Variants in VSTM4 observed in about 807,000 individuals in gnomAD.
The protein encoded by VSTM4 is V-set and transmembrane domain-containing protein 4.
In VSTM4, 20 loss-of-function variants were observed where a neutral mutation model predicts 36.4. That is an observed-to-expected ratio of 0.55 (90% CI 0.39 to 0.80). The LOEUF is 0.80. VSTM4 is among the 30% of genes least tolerant of loss of function. VSTM4 has a pLI of 0.00. For missense variants in VSTM4, 392 were observed against 404.5 expected, an observed-to-expected ratio of 0.97 and a Z score of 0.26; for synonymous variants, 182 against 173.9, an observed-to-expected ratio of 1.05 and a Z score of -0.37.
At chr10:49,075,249 T>C (rs933542545) in intron 4 of VSTM4, among the ~76,000 whole-genome samples, 23 of 152,332 alleles carry the variant, frequency 1.5e-4, no homozygotes, top group African/African-American at 5.3e-4. Flanking sequence ...TCCCTGATCC[T>C]GTCTAGGGCC....
In VSTM4 at chr10:49,107,687, G is replaced by T. The variant is rs375122788; in HGVS notation, c.364C>A (p.Gln122Lys). The T allele has an allele frequency of 3.1e-6, 5 of 1,614,114 alleles. No homozygotes were observed. The highest frequency in any genetic ancestry group is 4.2e-6 in the Non-Finnish European group (5 of 1,180,050). ...TGGACTCTGCAGACGTAATGCCCTT[G>T]ATCGGAGGGCTGCAGTGTCAAGACG... ...LSVLTLQPSD[Q>K]GHYVCRVQEI... Residue 122 changes from glutamine (Q) to lysine (K), a missense_variant, in exon 2 of 8, where the codon CAA becomes AAA. Gln to Lys is a moderately conservative substitution (Grantham distance 53). Coordinates refer to ENST00000332853, the MANE Select transcript of VSTM4 (RefSeq NM_001031746.5).
chr10:49,084,876 T>C (rs1001116492), intron 3 of VSTM4, among the ~76,000 whole-genome samples: 8 of 152,380 alleles, frequency 5.3e-5, no homozygotes, highest in African/African-American at 1.9e-4. Flanking sequence ...CTCTGGATAC[T>C]TGGAGCCAAA....
chr10:49,109,579 C>T (rs1163949900), intron 1 of VSTM4, among the ~76,000 whole-genome samples: 1 of 152,220 alleles, frequency 6.6e-6, no homozygotes, highest in Admixed American at 6.5e-5. Flanking sequence ...GACTTCATCA[C>T]ACCCATAAAG....
rs533102905 is a variant in VSTM4, at chr10:49,044,546, A to C, written c.837+2437T>G. 9.3e-5 allele frequency among the ~76,000 whole-genome samples: 14 copies of C among 150,968 alleles called. No homozygotes were observed. In the South Asian group the frequency reaches 2.7e-3, roughly 30 times the overall value. ...AGAAAGAAAAAGAAAGAAAGAAAGG[A>C]AGAAAGGAAGGAAGGAAGGAAAAAT... On this transcript the variant is annotated intron_variant, in intron 7 of 7. Transcript: ENST00000332853.
Position 49,019,133 on chromosome 10 carries a change from A to G in VSTM4, c.*517T>C, listed in dbSNP as rs1843142968. The stretch of plus-strand genomic sequence containing the variant: ...GCATCTATTTAAAACAAGAGATGCC[A>G]TCTCAGGTGGTGCTGGCAATCAGCA... On this transcript the variant is annotated 3_prime_UTR_variant, in exon 8 of 8. Coordinates refer to ENST00000332853, the MANE Select transcript of VSTM4 (RefSeq NM_001031746.5). 6.6e-6 allele frequency: 1 copy of G among 152,226 alleles called. No individual in the cohort carries two copies. Among genetic ancestry groups the G allele is most frequent in the South Asian group, 2.1e-4 (1 of 4,826 alleles). The allele number at this position is 152,226 out of a possible 1,614,324, so 9.4% of individuals were successfully genotyped here.
At chr10:49,075,696 C>A (rs1844164069) in intron 4 of VSTM4, among the ~76,000 whole-genome samples, 1 of 152,242 alleles carries the variant, frequency 6.6e-6, no homozygotes, top group Admixed American at 6.5e-5. Flanking sequence ...AGAGGAAAGA[C>A]ACCCATGCTA....
At chr10:49,061,428 A>T (rs1469434814) in intron 5 of VSTM4, among the ~76,000 whole-genome samples, 1 of 152,178 alleles carries the variant, frequency 6.6e-6, no homozygotes, top group Non-Finnish European at 1.5e-5. Flanking sequence ...GATCTTCAAT[A>T]ACCATGCTAA....
At chr10:49,024,613 T>C (rs1267948110) in intron 7 of VSTM4, among the ~76,000 whole-genome samples, 1 of 152,092 alleles carries the variant, frequency 6.6e-6, no homozygotes, top group Non-Finnish European at 1.5e-5. Context: ...CTTTGTTGGA[T>C]GATTATGAGG....
chr10:49,083,612 T>A (rs1189367643), intron 3 of VSTM4, among the ~76,000 whole-genome samples: 1 of 152,250 alleles, frequency 6.6e-6, no homozygotes, highest in Non-Finnish European at 1.5e-5. Context: ...GGATGAGGCC[T>A]GATTCTCTCT....
chr10:49,096,668 T>TGTGTGTGTGTGTGTGTG (rs1564593231), intron 2 of VSTM4, among the ~76,000 whole-genome samples: 30 of 147,256 alleles, frequency 2.0e-4, no homozygotes, highest in African/African-American at 7.3e-4. Context: ...TGTGTGTGTG[T>TGTGTGTGTGTGTGTGTG]TTTGAGACGG....
At chr10:49,103,711 T>C in intron 2 of VSTM4, 1 of 1,609,892 alleles carries the variant, frequency 6.2e-7, no homozygotes, top group Non-Finnish European at 8.5e-7. Context: ...TCTGGGAGTT[T>C]CCAGTGAAAG....
In VSTM4 at chr10:49,051,622, C is replaced by T. The variant is rs924725464; in HGVS notation, c.669-3038G>A. The stretch of plus-strand genomic sequence containing the variant: ...TGTTGGTCAGGCTAGTCTTGAACTC[C>T]TGACCTCAGGTGATCCACCCGCCTT... On this transcript the variant is annotated intron_variant, in intron 5 of 7. Transcript: ENST00000332853. 7.2e-5 allele frequency among the ~76,000 whole-genome samples: 11 copies of T among 152,134 alleles called. No individual in the cohort carries two copies. The South Asian group carries it at 2.1e-3, about 29-fold the overall frequency.
intron 7 of VSTM4, among the ~76,000 whole-genome samples, chr10:49,035,248 C>T (rs1322976619): frequency 1.3e-5 from 2 of 152,196 alleles, no homozygotes; most frequent in African/African-American, 4.8e-5. Flanking sequence ...GGCTCATGCT[C>T]CCACCTCTCT....
chr10:49,025,683 C>A (rs1843249731), intron 7 of VSTM4, among the ~76,000 whole-genome samples: 1 of 152,212 alleles, frequency 6.6e-6, no homozygotes, highest in African/African-American at 2.4e-5. Flanking sequence ...GGGAAGCTAA[C>A]AGAGAAAAGC....
intron 4 of VSTM4, among the ~76,000 whole-genome samples, chr10:49,072,617 A>T (rs1564582966): frequency 6.6e-6 from 1 of 152,146 alleles, no homozygotes; most frequent in Non-Finnish European, 1.5e-5. Flanking sequence ...ACTTGCTGTA[A>T]TTGATAGAAT....
chr10:49,049,185 T>C (rs1231148402), intron 5 of VSTM4, among the ~76,000 whole-genome samples: 4 of 152,224 alleles, frequency 2.6e-5, no homozygotes, highest in Non-Finnish European at 5.9e-5. Context: ...GGAGCTCACC[T>C]TGAGGAGCGC....
chr10:49,075,032 G>C (rs558043400), intron 4 of VSTM4, among the ~76,000 whole-genome samples: 3 of 152,194 alleles, frequency 2.0e-5, no homozygotes, highest in Admixed American at 2.0e-4. Context: ...GGCCCACAGC[G>C]GGTGCTCAGA....
chr10:49,036,877 A>G (rs1289516709), intron 7 of VSTM4, among the ~76,000 whole-genome samples: 1 of 152,234 alleles, frequency 6.6e-6, no homozygotes. Flanking sequence ...ACAAGGATGA[A>G]TGAACTACTT....
chr10:49,111,490 C>T (rs1844893643), intron 1 of VSTM4, among the ~76,000 whole-genome samples: 1 of 152,196 alleles, frequency 6.6e-6, no homozygotes. Context: ...GTGTCACTCG[C>T]CCCCTCCTCC....
Sources: gnomAD v4.1 joint callset for allele counts (sites outside exome capture counted in the v4.1 genomes callset) on GRCh38, gnomAD v4.1.1 for gene constraint, MANE v1.5 for transcripts, NCBI Gene and HGNC (gene_info 2026-07-23, HGNC 2026-07-21) for gene names.